The following RBFOX1 variants were observed in gnomAD, a reference collection of about 807,000 sequenced individuals.
The protein encoded by RBFOX1 is RNA binding protein fox-1 homolog 1.
RBFOX1 carries 8 observed loss-of-function variants against 57.7 expected under a neutral mutation model. The observed-to-expected ratio is 0.14, with a 90% CI of 0.08 to 0.25. The LOEUF is 0.25. Ranked by LOEUF, RBFOX1 falls within the 10% of genes least tolerant of loss-of-function variation. RBFOX1 has a pLI of 1.00. For missense variants in RBFOX1, 611 were observed against 548.5 expected (o/e 1.11, Z -1.14); for synonymous variants, 326 against 222.4 (o/e 1.47, Z -4.15).
chr16:6,393,075 T>C (rs1449911436), intron 2 of RBFOX1, among the ~76,000 whole-genome samples: 1 of 152,234 alleles, frequency 6.6e-6, no homozygotes, highest in Non-Finnish European at 1.5e-5. Context: ...TCTGCCATAC[T>C]TACACTTTCC....
At chr16:7,104,401 C>A (rs767340635) in intron 4 of RBFOX1, among the ~76,000 whole-genome samples, 3 of 152,084 alleles carry the variant, frequency 2.0e-5, no homozygotes, top group African/African-American at 7.2e-5. Flanking sequence ...GGACAGTATG[C>A]CCCTCTGATT....
At chr16:6,528,403 T>A (rs2096611319) in intron 2 of RBFOX1, among the ~76,000 whole-genome samples, 1 of 152,198 alleles carries the variant, frequency 6.6e-6, no homozygotes. Context: ...CCACCATCAA[T>A]GCACAGTCAT....
At chr16:5,935,875 G>A (rs1306550596) in intron 4 of RBFOX1, among the ~76,000 whole-genome samples, 1 of 152,048 alleles carries the variant, frequency 6.6e-6, no homozygotes, top group Admixed American at 6.6e-5. Flanking sequence ...CCTGGTTGTT[G>A]GCTGAATTCA....
At chr16:6,255,808 G>A (rs768045576) in intron 1 of RBFOX1, among the ~76,000 whole-genome samples, 2 of 152,006 alleles carry the variant, frequency 1.3e-5, no homozygotes, top group African/African-American at 2.4e-5. Context: ...ACGAAACACC[G>A]CATGTTCTCA....
intron 1 of RBFOX1, among the ~76,000 whole-genome samples, chr16:6,246,603 T>C (rs1208545126): frequency 6.6e-6 from 1 of 151,948 alleles, no homozygotes; most frequent in Non-Finnish European, 1.5e-5. Context: ...GGAAAAGGGG[T>C]GATTCCACCA....
At chr16:6,254,261 T>A (rs1002053579) in intron 1 of RBFOX1, among the ~76,000 whole-genome samples, 2 of 152,314 alleles carry the variant, frequency 1.3e-5, no homozygotes, top group African/African-American at 4.8e-5. Flanking sequence ...ACTAAACAGA[T>A]GTATTCAGGG....
At chr16:7,217,389 A>G in intron 4 of RBFOX1, among the ~76,000 whole-genome samples, 1 of 144,786 alleles carries the variant, frequency 6.9e-6, no homozygotes, top group African/African-American at 2.6e-5. Flanking sequence ...TTGGCCTCCC[A>G]AAGTGCTGGG....
At chr16:7,036,203 T>A (rs1476276419) in intron 3 of RBFOX1, among the ~76,000 whole-genome samples, 1 of 27,562 alleles carries the variant, frequency 3.6e-5, no homozygotes, top group Non-Finnish European at 9.6e-5. Context: ...CACCTTGACA[T>A]TTTTTTTTTT....
At chr16:7,350,200 A>G (rs991520029) in intron 4 of RBFOX1, among the ~76,000 whole-genome samples, 3 of 152,180 alleles carry the variant, frequency 2.0e-5, no homozygotes, top group Non-Finnish European at 4.4e-5. Flanking sequence ...GTTATTTTAG[A>G]TAGTTGAAAC....
At chr16:6,519,448 C>G (rs775534706) in intron 2 of RBFOX1, among the ~76,000 whole-genome samples, 1 of 152,124 alleles carries the variant, frequency 6.6e-6, no homozygotes, top group African/African-American at 2.4e-5. Flanking sequence ...TGGCTGTAAT[C>G]CCAGCACTTT....
intron 3 of RBFOX1, chr16:7,004,105 G>A (rs1418560256): frequency 2.6e-5 from 4 of 151,342 alleles, no homozygotes; most frequent in African/African-American, 9.7e-5. Flanking sequence ...TGTTGCCAAT[G>A]TGGACACTAG....
At chr16:5,423,948 G>A (rs766720054) in intron 1 of RBFOX1, among the ~76,000 whole-genome samples, 3 of 152,066 alleles carry the variant, frequency 2.0e-5, no homozygotes, top group African/African-American at 7.2e-5. Flanking sequence ...AGGTTTTCTG[G>A]GCATTATTAC....
intron 3 of RBFOX1, among the ~76,000 whole-genome samples, chr16:6,870,606 A>G (rs1265730821): frequency 6.6e-6 from 1 of 152,216 alleles, no homozygotes. Flanking sequence ...TAGCTTTGCA[A>G]AGCAATAACA....
chr16:6,227,376 C>G (rs994510335), intron 1 of RBFOX1, among the ~76,000 whole-genome samples: 1 of 152,150 alleles, frequency 6.6e-6, no homozygotes, highest in Non-Finnish European at 1.5e-5. Flanking sequence ...AGAGTGTTTT[C>G]TCTTGTGACC....
At chr16:7,532,631 G>A (rs1356242607) in intron 5 of RBFOX1, among the ~76,000 whole-genome samples, 2 of 152,110 alleles carry the variant, frequency 1.3e-5, no homozygotes, top group Non-Finnish European at 2.9e-5. Flanking sequence ...CCTTCTCCAG[G>A]CTTTTAACAT....
intron 3 of RBFOX1, among the ~76,000 whole-genome samples, chr16:7,013,561 T>G (rs1357165588): frequency 3.3e-5 from 5 of 152,232 alleles, no homozygotes; most frequent in Non-Finnish European, 7.3e-5. Flanking sequence ...GCAGTGCTGA[T>G]GTTGAGAAAC....
chr16:5,404,953 C>A (rs139152261), intron 1 of RBFOX1, among the ~76,000 whole-genome samples: 1 of 152,344 alleles, frequency 6.6e-6, no homozygotes, highest in African/African-American at 2.4e-5. Context: ...GAGTCATCAT[C>A]ATAGGAAGTA....
chr16:7,377,375 G>C (rs1048152510), intron 4 of RBFOX1, among the ~76,000 whole-genome samples: 7 of 152,084 alleles, frequency 4.6e-5, no homozygotes, highest in African/African-American at 1.7e-4. Flanking sequence ...GAAGAACCAG[G>C]CCTGTTTACC....
chr16:7,092,278 A>G (rs1311096848), intron 4 of RBFOX1, among the ~76,000 whole-genome samples: 1 of 152,206 alleles, frequency 6.6e-6, no homozygotes, highest in Non-Finnish European at 1.5e-5. Flanking sequence ...AGAGCCAGAA[A>G]TGCTATCGCA....
Sources: allele counts gnomAD v4.1 joint callset (sites outside exome capture counted in the v4.1 genomes callset), GRCh38; gene constraint gnomAD v4.1.1; transcripts MANE v1.5; gene names NCBI Gene and HGNC (gene_info 2026-07-23, HGNC 2026-07-21).